The following ELP4 variants were observed in gnomAD, a reference collection of about 807,000 sequenced individuals.
The protein encoded by ELP4 is elongator acetyltransferase complex subunit 4.
In ELP4, 51 loss-of-function variants were observed where a neutral mutation model predicts 48.9. The ratio of observed to expected loss-of-function variants is 1.04; its 90% confidence interval spans 0.83 to 1.32. ELP4 has a LOEUF of 1.32. Among genes scored for constraint, ELP4 ranks in the 40% most tolerant of loss-of-function variants. The probability of loss-of-function intolerance (pLI) is 0.00; values close to 1 mark genes in which losing one functional copy is unlikely to be tolerated. For synonymous variants in ELP4, 210 were observed against 189.2 expected (o/e 1.11, Z -0.90); for missense variants, 519 against 514.6 (o/e 1.01, Z -0.08).
chr11:31,752,406 T>A (rs1483677856), intron 9 of ELP4, among the ~76,000 whole-genome samples: 13 of 152,216 alleles, frequency 8.5e-5, no homozygotes, highest in Admixed American at 8.5e-4. Flanking sequence ...TATATTTTTC[T>A]TAATGATAAA....
chr11:31,583,707 G>A (rs1166017974), intron 3 of ELP4, among the ~76,000 whole-genome samples: 1 of 152,188 alleles, frequency 6.6e-6, no homozygotes, highest in Non-Finnish European at 1.5e-5. Context: ...TGAAAAGTGT[G>A]TTATTGACAG....
intron 9 of ELP4, among the ~76,000 whole-genome samples, chr11:31,764,916 G>T (rs1948012145): frequency 6.6e-6 from 1 of 152,146 alleles, no homozygotes; most frequent in East Asian, 1.9e-4. Context: ...CAACGTTTTA[G>T]TCCATTTCTG....
intron 2 of ELP4, 146 bp from the exon 3 acceptor site, chr11:31,539,516 C>A: frequency 1.5e-6 from 1 of 651,764 alleles, no homozygotes; most frequent in Non-Finnish European, 2.4e-6. Context: ...TCTATCTATG[C>A]CTCAGGAATA....
chr11:31,735,782 C>T (rs1947299929), intron 9 of ELP4, among the ~76,000 whole-genome samples: 2 of 152,030 alleles, frequency 1.3e-5, no homozygotes, highest in Non-Finnish European at 2.9e-5. Flanking sequence ...TATGAAGGAC[C>T]TCTTCAAGGG....
In ELP4 at chr11:31,509,827, G is replaced by A. The variant is rs1170638301; in HGVS notation, c.43G>A (p.Gly15Arg). ...CTGCGGTAGTGTTGCCGCGAGTACTGGGTCTGCAGTGGCGACAGCCAGCAA... is the reference window on the plus strand; with the variant it reads ...CTGCGGTAGTGTTGCCGCGAGTACTAGGTCTGCAGTGGCGACAGCCAGCAA... ...ATCGSVAAST[G>R]SAVATASKSN... Residue 15 changes from glycine to arginine, a missense_variant, in exon 1 of 10, where the codon GGG becomes AGG. By Grantham distance (125) the Gly-to-Arg change is moderately radical. Coordinates refer to ENST00000640961, the MANE Select transcript of ELP4 (RefSeq NM_019040.5). 6.2e-7 allele frequency: 1 copy of A among 1,614,156 alleles called. No individual in the cohort carries two copies. Among genetic ancestry groups the A allele is most frequent in the African/African-American group, 1.3e-5 (1 of 75,062 alleles).
intron 7 of ELP4, among the ~76,000 whole-genome samples, chr11:31,639,712 A>T (rs992718561): frequency 4.6e-5 from 7 of 151,910 alleles, no homozygotes; most frequent in African/African-American, 1.4e-4. Flanking sequence ...GTCAGTAAGG[A>T]TATATTTTAA....
At chr11:31,570,631 C>T (rs1247272530) in intron 3 of ELP4, among the ~76,000 whole-genome samples, 2 of 151,480 alleles carry the variant, frequency 1.3e-5, no homozygotes, top group Non-Finnish European at 2.9e-5. Flanking sequence ...CCACACCCAA[C>T]TAATTTTTGT....
chr11:31,556,466 TG>T (rs1330817029), intron 3 of ELP4, among the ~76,000 whole-genome samples: 1 of 139,098 alleles, frequency 7.2e-6, no homozygotes, highest in Non-Finnish European at 1.6e-5. Flanking sequence ...TATATACACG[TG>T]CACACACAAT....
chr11:31,533,051 C>G (rs1956424617), intron 2 of ELP4, among the ~76,000 whole-genome samples: 1 of 152,098 alleles, frequency 6.6e-6, no homozygotes, highest in Non-Finnish European at 1.5e-5. Context: ...GCTGGGATTA[C>G]AGGCATGAGC....
At chr11:31,542,962 C>T (rs544844015) in intron 3 of ELP4, among the ~76,000 whole-genome samples, 5 of 152,138 alleles carry the variant, frequency 3.3e-5, no homozygotes, top group Non-Finnish European at 1.5e-5. Context: ...TAAATATAAA[C>T]ACAAGTTAAA....
At chr11:31,591,756 G>A (rs969283912) in intron 3 of ELP4, among the ~76,000 whole-genome samples, 2 of 152,028 alleles carry the variant, frequency 1.3e-5, no homozygotes. Flanking sequence ...CCACATCTAG[G>A]TATATACCAA....
intron 9 of ELP4, among the ~76,000 whole-genome samples, chr11:31,704,954 T>A (rs1459819718): frequency 6.6e-6 from 1 of 150,560 alleles, no homozygotes; most frequent in Non-Finnish European, 1.5e-5. Context: ...GAGGTTGTGG[T>A]GAGCTGAGAT....
At chr11:31,722,035 T>A (rs1592253166) in intron 9 of ELP4, among the ~76,000 whole-genome samples, 1 of 152,180 alleles carries the variant, frequency 6.6e-6, no homozygotes, top group East Asian at 1.9e-4. Flanking sequence ...CAATATTTGT[T>A]GTGGAAAATA....
At chr11:31,775,636 A>C (rs961987444) in intron 9 of ELP4, among the ~76,000 whole-genome samples, 10 of 151,992 alleles carry the variant, frequency 6.6e-5, no homozygotes, top group Non-Finnish European at 1.5e-5. Flanking sequence ...GGAGTTCGAG[A>C]CCAGCCTGGA....
At chr11:31,716,906 C>T (rs1000585091) in intron 9 of ELP4, among the ~76,000 whole-genome samples, 9 of 152,268 alleles carry the variant, frequency 5.9e-5, no homozygotes, top group Middle Eastern at 3.4e-3. Context: ...CTTTATGGAT[C>T]ATATTATACA....
chr11:31,658,916 T>G (rs953762760), intron 9 of ELP4, among the ~76,000 whole-genome samples: 2 of 152,062 alleles, frequency 1.3e-5, no homozygotes, highest in African/African-American at 2.4e-5. Context: ...TGCAAAAAGC[T>G]TGATTTGCTG....
intron 3 of ELP4, among the ~76,000 whole-genome samples, chr11:31,573,239 C>G (rs879527017): frequency 6.6e-6 from 1 of 152,192 alleles, no homozygotes; most frequent in Non-Finnish European, 1.5e-5. Context: ...CACCACTTGA[C>G]CCCTGGCAAC....
Position 31,783,540 on chromosome 11 carries a change from C to T in ELP4, c.*16C>T, listed in dbSNP as rs955602281. On this transcript the variant is annotated 3_prime_UTR_variant, in exon 10 of 10. Coordinates refer to ENST00000640961, the MANE Select transcript of ELP4 (RefSeq NM_019040.5). ...GGACTTCTAGGGATTCCTCCTTAGT[C>T]GCTGCATGCAGAATTCTATGACACT... 2.5e-6 allele frequency: 4 copies of T among 1,611,016 alleles called. No individual in the cohort carries two copies. The African/African-American group carries it at 4.0e-5, about 16-fold the overall frequency.
intron 9 of ELP4, among the ~76,000 whole-genome samples, chr11:31,772,120 CTTT>C (rs11406554): frequency 2.3e-5 from 3 of 132,138 alleles, no homozygotes; most frequent in African/African-American, 5.7e-5. Flanking sequence ...TTATTTTCTT[CTTT>C]TTTTTTTTTT....
Sources: gnomAD v4.1 joint callset for allele counts (sites outside exome capture counted in the v4.1 genomes callset) on GRCh38, gnomAD v4.1.1 for gene constraint, MANE v1.5 for transcripts, NCBI Gene and HGNC (gene_info 2026-07-23, HGNC 2026-07-21) for gene names.